The following RORA variants were observed in gnomAD, a reference collection of about 807,000 sequenced individuals.
RORA encodes the protein RAR related orphan receptor A, also known as nuclear receptor ROR-alpha.
A neutral mutation model predicts 69.5 loss-of-function variants in RORA; 7 were observed. The observed-to-expected ratio is 0.10, with a 90% confidence interval of 0.06 to 0.19. The LOEUF (loss-of-function observed/expected upper bound fraction) is 0.19. RORA is among the 10% of genes least tolerant of loss of function. The pLI is 1.00. For synonymous variants in RORA, 261 were observed against 240.8 expected (o/e 1.08, Z -0.78); for missense variants, 457 against 663.0 (o/e 0.69, Z 3.41).
At chr15:60,734,595 C>T (rs1011742066) in intron 1 of RORA, among the ~76,000 whole-genome samples, 4 of 152,090 alleles carry the variant, frequency 2.6e-5, no homozygotes, top group Admixed American at 1.3e-4. Flanking sequence ...ACATAATGGC[C>T]CACTGTTAGA....
chr15:61,084,424 T>C (rs1273110381), intron 1 of RORA, among the ~76,000 whole-genome samples: 1 of 152,252 alleles, frequency 6.6e-6, no homozygotes, highest in East Asian at 1.9e-4. Context: ...TGAGGTCTTT[T>C]GTTTAAGCCC....
At chr15:60,993,644 CAAA>C (rs3053932) in intron 1 of RORA, among the ~76,000 whole-genome samples, 5 of 83,040 alleles carry the variant, frequency 6.0e-5, no homozygotes, top group Admixed American at 1.6e-4. Flanking sequence ...CTCTCCATCT[CAAA>C]AAAAAAAAAA....
At chr15:61,050,022 G>A (rs1489313703) in intron 1 of RORA, among the ~76,000 whole-genome samples, 2 of 152,194 alleles carry the variant, frequency 1.3e-5, no homozygotes, top group East Asian at 1.9e-4. Flanking sequence ...GCTGTGCAGT[G>A]AGATGACTCA....
chr15:61,197,120 C>T (rs1420185868), intron 1 of RORA, among the ~76,000 whole-genome samples: 1 of 152,224 alleles, frequency 6.6e-6, no homozygotes, highest in Non-Finnish European at 1.5e-5. Flanking sequence ...GTGCCACACC[C>T]GGGCCTTAGC....
At chr15:60,520,220 C>T (rs554397175) in intron 3 of RORA, 4 of 152,034 alleles carry the variant, frequency 2.6e-5, no homozygotes, top group Admixed American at 2.6e-4. Flanking sequence ...GTCATACCCA[C>T]AAGGAGAACT....
intron 1 of RORA, among the ~76,000 whole-genome samples, chr15:60,721,268 A>G (rs2071290121): frequency 6.6e-6 from 1 of 152,200 alleles, no homozygotes; most frequent in Non-Finnish European, 1.5e-5. Flanking sequence ...AGCAGTCCAA[A>G]TTAACAAAAA....
chr15:60,638,713 G>T (rs1382265569), intron 2 of RORA, among the ~76,000 whole-genome samples: 1 of 152,144 alleles, frequency 6.6e-6, no homozygotes, highest in Non-Finnish European at 1.5e-5. Flanking sequence ...AAAGCTAATA[G>T]GAATTCTTTT....
chr15:60,542,559 TCACACACACGGCACGCATGCACACCTCA>T (rs1567073242), intron 2 of RORA, among the ~76,000 whole-genome samples: 1 of 93,708 alleles, frequency 1.1e-5, no homozygotes, highest in African/African-American at 9.1e-5. Context: ...CATGCACACC[TCACACACACGGCACGCATGCACACCTCA>T]CACACACGGC....
chr15:60,606,207 T>C (rs1211572838), intron 2 of RORA, among the ~76,000 whole-genome samples: 2 of 152,232 alleles, frequency 1.3e-5, no homozygotes, highest in African/African-American at 4.8e-5. Context: ...GTCTGTTTCC[T>C]GAGATTGTGT....
intron 2 of RORA, among the ~76,000 whole-genome samples, chr15:60,582,578 C>G (rs931916682): frequency 9.9e-5 from 15 of 152,178 alleles, no homozygotes; most frequent in African/African-American, 3.6e-4. Flanking sequence ...CATTGTTTTG[C>G]TACACTGCGG....
intron 1 of RORA, among the ~76,000 whole-genome samples, chr15:61,005,375 G>C (rs1229890835): frequency 6.6e-6 from 1 of 152,168 alleles, no homozygotes; most frequent in Non-Finnish European, 1.5e-5. Context: ...AGCTACTCAG[G>C]AGGCTGAGGC....
Position 60,769,968 on chromosome 15 carries a change from C to A in RORA, c.167-91282G>T, listed in dbSNP as rs552557774. ...CTCACAGCTGAAGCATTATTTCTAA[C>A]CTTATTTTGTATTCCTAGCATGTGC... On this transcript the variant is annotated intron_variant, in intron 1 of 10. Coordinates refer to ENST00000335670, the MANE Select transcript of RORA (RefSeq NM_134261.3). Among the ~76,000 whole-genome samples the A allele has an allele frequency of 3.0e-4, 46 of 152,324 alleles. 1 individual carries two copies. The highest frequency in any genetic ancestry group is 6.2e-4 in the South Asian group (3 of 4,830).
At chr15:60,829,894 ACTGTAGTCTT>A (rs2073018999) in intron 1 of RORA, among the ~76,000 whole-genome samples, 4 of 152,246 alleles carry the variant, frequency 2.6e-5, no homozygotes, top group African/African-American at 9.6e-5. Flanking sequence ...TCCCTACTGT[ACTGTAGTCTT>A]CTCATGGTGA....
intron 1 of RORA, among the ~76,000 whole-genome samples, chr15:61,001,150 C>T (rs1894732152): frequency 6.6e-6 from 1 of 152,218 alleles, no homozygotes; most frequent in African/African-American, 2.4e-5. Flanking sequence ...TTTGTCCCAT[C>T]CCAAGTTGCA....
intron 1 of RORA, among the ~76,000 whole-genome samples, chr15:60,868,046 G>A (rs1320925907): frequency 6.6e-6 from 1 of 152,060 alleles, no homozygotes; most frequent in Non-Finnish European, 1.5e-5. Flanking sequence ...TCCCCAAATA[G>A]CTCTTAAAAT....
At chr15:61,118,871 G>A (rs2079074214) in intron 1 of RORA, among the ~76,000 whole-genome samples, 2 of 152,102 alleles carry the variant, frequency 1.3e-5, no homozygotes, top group African/African-American at 4.8e-5. Flanking sequence ...GGCAGACAGA[G>A]CAGGTGTTAA....
At chr15:60,627,001 G>A (rs550896611) in intron 2 of RORA, among the ~76,000 whole-genome samples, 29 of 152,332 alleles carry the variant, frequency 1.9e-4, no homozygotes, top group Non-Finnish European at 3.2e-4. Context: ...TTCTGTTGGA[G>A]GCCAGCCACT....
At chr15:60,798,770 G>C (rs142219017) in intron 1 of RORA, among the ~76,000 whole-genome samples, 27 of 151,936 alleles carry the variant, frequency 1.8e-4, no homozygotes, top group Middle Eastern at 3.4e-3. Context: ...TGCAATATTG[G>C]GTAAGTTACT....
At chr15:60,986,393 T>A (rs1281008881) in intron 1 of RORA, among the ~76,000 whole-genome samples, 1 of 152,198 alleles carries the variant, frequency 6.6e-6, no homozygotes, top group Non-Finnish European at 1.5e-5. Flanking sequence ...CCAACATCCT[T>A]ACTTTTATAG....
Sources: allele counts gnomAD v4.1 joint callset (sites outside exome capture counted in the v4.1 genomes callset), GRCh38; gene constraint gnomAD v4.1.1; transcripts MANE v1.5; gene names NCBI Gene and HGNC (gene_info 2026-07-23, HGNC 2026-07-21).